The following ARSD variants were observed in gnomAD, a reference collection of about 807,000 sequenced individuals.
The protein encoded by ARSD is arylsulfatase D.
ARSD carries 21 observed loss-of-function variants against 32.6 expected under a neutral mutation model. The observed-to-expected ratio is 0.64, with a 90% CI of 0.46 to 0.93. The LOEUF is 0.93. ARSD is among the 40% of genes least tolerant of loss of function. ARSD has a pLI of 0.00. For synonymous variants in ARSD, 224 were observed against 237.4 expected (o/e 0.94, Z 0.52); for missense variants, 454 against 520.9 (o/e 0.87, Z 1.25).
chrX:2,910,594 T>G lies in ARSD; in HGVS notation c.1135+65A>C, dbSNP rs747427502. On this transcript the variant is annotated intron_variant, in intron 7 of 9. Transcript: ENST00000381154. ...AACTCATTTTCAGTTCAACTTGTTCTGGGACCCTCAGTGGTGGCAGATATT... is the reference window on the plus strand; with the variant it reads ...AACTCATTTTCAGTTCAACTTGTTCGGGGACCCTCAGTGGTGGCAGATATT... 48 of 1,197,953 alleles carry G rather than the reference T, an allele frequency of 4.0e-5. No individual in the cohort carries two copies. In the Admixed American group the frequency reaches 9.4e-4, roughly 24 times the overall value.
At chrX:2,915,394 A>T (rs772215229) in intron 6 of ARSD, among the ~76,000 whole-genome samples, 162 bp downstream of exon 6, 25 of 112,188 alleles carry the variant, frequency 2.2e-4, no homozygotes, top group Non-Finnish European at 4.7e-4. Context: ...ACCTCAGGTG[A>T]TCCGCCCGCC....
intron 2 of ARSD, among the ~76,000 whole-genome samples, chrX:2,923,825 C>T (rs1423223920): frequency 4.4e-5 from 5 of 112,371 alleles, no homozygotes; most frequent in East Asian, 2.8e-4. Context: ...ATTCGCTCCT[C>T]GCTGGAGGTG....
At position 2,929,220 on chromosome X, in the gene ARSD, G is replaced by C. The variant is rs1321042400; in HGVS notation, c.44+12C>G. On this transcript the variant is annotated intron_variant, in intron 1 of 9. Coordinates refer to ENST00000381154, the MANE Select transcript of ARSD (RefSeq NM_001669.4). Reference sequence around the variant, plus strand: ...GGCCTTAGTATGGGCCGCGTCCCGGGGTCCCAGGCACCTGGCGGCGGGCGC... The same window carrying C: ...GGCCTTAGTATGGGCCGCGTCCCGGCGTCCCAGGCACCTGGCGGCGGGCGC... 1.9e-6 allele frequency: 2 copies of C among 1,041,864 alleles called. No individual in the cohort carries two copies. The highest frequency in any genetic ancestry group is 2.4e-6 in the Non-Finnish European group (2 of 818,879). 85.9% of individuals were successfully genotyped at this position (1,041,864 alleles called of 1,213,427 possible). A position where few individuals can be genotyped will look rare whatever the true frequency, so the allele number is the denominator to read the frequency against.
At chrX:2,907,885 C>T (rs752808200) in intron 9 of ARSD, 74 of 930,679 alleles carry the variant, frequency 8.0e-5, no homozygotes, top group Non-Finnish European at 9.5e-5. Context: ...CATTGCAGAG[C>T]GCTCACTGTG....
rs191743520 is a variant in ARSD, at chrX:2,918,679, A to G, written c.440-452T>C. The stretch of plus-strand genomic sequence containing the variant: ...GGCGTGAACCTGGGAGGCGGAGCTT[A>G]CAGTGAGCCGAGATCATGCCACTGC... On this transcript the variant is annotated intron_variant, in intron 4 of 9. Coordinates refer to ENST00000381154, the MANE Select transcript of ARSD (RefSeq NM_001669.4). Among the ~76,000 whole-genome samples, 573 of 111,021 alleles carry G rather than the reference A, an allele frequency of 5.2e-3. 2 individuals are homozygous for G. The highest frequency in any genetic ancestry group is 7.1e-3 in the Non-Finnish European group (375 of 52,874).
At chrX:2,910,850 C>T in intron 6 of ARSD, 57 bp from the exon 7 acceptor site, 1 of 1,153,214 alleles carries the variant, frequency 8.7e-7, no homozygotes, top group Non-Finnish European at 1.2e-6. Flanking sequence ...TCCACTAGTT[C>T]AATGCGCTTC....
At chrX:2,920,840 A>T in intron 3 of ARSD, 117 bp from the exon 4 acceptor site, 1 of 918,418 alleles carries the variant, frequency 1.1e-6, no homozygotes, top group Non-Finnish European at 1.5e-6. Flanking sequence ...GGCTGCTATT[A>T]TCTATCATCC....
intron 9 of ARSD, among the ~76,000 whole-genome samples, chrX:2,908,302 T>C (rs775761977): frequency 3.8e-4 from 42 of 111,225 alleles, no homozygotes; most frequent in Middle Eastern, 4.7e-3. Context: ...ATCTATCTTA[T>C]CTATCCATCA....
At chrX:2,918,300 CA>C in intron 4 of ARSD, 73 bp from the exon 5 acceptor site, 1 of 1,003,099 alleles carries the variant, frequency 1.0e-6, no homozygotes. Flanking sequence ...ACCTCGGAAT[CA>C]TTCCGCGTCG....
chrX:2,908,558 A>T (rs2088874713), intron 9 of ARSD, among the ~76,000 whole-genome samples, 163 bp downstream of exon 9: 1 of 91,716 alleles, frequency 1.1e-5, no homozygotes, highest in African/African-American at 4.1e-5. Context: ...TCTATCTATA[A>T]TCTACTCATC....
intron 1 of ARSD, among the ~76,000 whole-genome samples, chrX:2,926,729 C>A (rs1488767991): frequency 1.8e-5 from 2 of 112,459 alleles, no homozygotes; most frequent in East Asian, 2.8e-4. Context: ...TCTGAGCTAA[C>A]AAAGTCTCCC....
In ARSD at chrX:2,910,642, C is replaced by T. The variant is rs1267874902; in HGVS notation, c.1135+17G>A. 2.2e-5 allele frequency: 27 copies of T among 1,209,449 alleles called. No homozygotes were observed. The highest frequency in any genetic ancestry group is 2.3e-4 in the Middle Eastern group (1 of 4,370). On this transcript the variant is annotated intron_variant, in intron 7 of 9. Coordinates refer to ENST00000381154, the MANE Select transcript of ARSD (RefSeq NM_001669.4). Reference sequence around the variant, plus strand: ...ATTTGGTCGAATGCATATGTGTCCCCGATGTCCACAACTCACCTTTGTAAA... The same window carrying T: ...ATTTGGTCGAATGCATATGTGTCCCTGATGTCCACAACTCACCTTTGTAAA...
At chrX:2,926,090 T>C (rs751302828) in intron 1 of ARSD, among the ~76,000 whole-genome samples, 1 of 112,458 alleles carries the variant, frequency 8.9e-6, no homozygotes, top group African/African-American at 3.2e-5. Flanking sequence ...CCAGAGCTTA[T>C]ATACCTTCAA....
intron 5 of ARSD, among the ~76,000 whole-genome samples, chrX:2,916,385 C>T (rs1274043138): frequency 9.1e-6 from 1 of 109,469 alleles, no homozygotes; most frequent in Non-Finnish European, 1.9e-5. Flanking sequence ...GTAATCTCGG[C>T]CACTCAAGAG....
intron 9 of ARSD, among the ~76,000 whole-genome samples, chrX:2,908,355 T>G (rs917209989): frequency 2.7e-5 from 3 of 111,128 alleles, no homozygotes; most frequent in African/African-American, 6.6e-5. Context: ...ATCTATATAT[T>G]TATCCATCCA....
At chrX:2,920,366 C>CTTTTTTTTTTTTTTTTTTTTTTTTT in intron 4 of ARSD, 1 of 321,784 alleles carries the variant, frequency 3.1e-6, no homozygotes, top group South Asian at 4.6e-5. Flanking sequence ...AAAACGGGAT[C>CTTTTTTTTTTTTTTTTTTTTTTTTT]TTTTTTTTTT....
chrX:2,919,121 A>C (rs899441490), intron 4 of ARSD, among the ~76,000 whole-genome samples: 1 of 108,545 alleles, frequency 9.2e-6, no homozygotes, highest in Non-Finnish European at 1.9e-5. Context: ...CATCTCAAAA[A>C]AATAAAAATA....
chrX:2,926,208 G>A (rs188737912), intron 1 of ARSD, among the ~76,000 whole-genome samples: 18 of 111,591 alleles, frequency 1.6e-4, no homozygotes, highest in Non-Finnish European at 3.0e-4. Flanking sequence ...CTGGAGCCTC[G>A]GTGAATTGAC....
chrX:2,928,259 G>T (rs2089105823), intron 1 of ARSD, among the ~76,000 whole-genome samples: 1 of 102,318 alleles, frequency 9.8e-6, no homozygotes, highest in Non-Finnish European at 2.0e-5. Flanking sequence ...GGAAGTAACG[G>T]CCGCGCTTGT....
Sources: gnomAD v4.1 joint callset for allele counts (sites outside exome capture counted in the v4.1 genomes callset) on GRCh38, gnomAD v4.1.1 for gene constraint, MANE v1.5 for transcripts, NCBI Gene and HGNC (gene_info 2026-07-23, HGNC 2026-07-21) for gene names.